Variants in DIP2A observed in about 807,000 individuals in gnomAD.
The protein encoded by DIP2A is DIP2 acetate--CoA ligase A.
Under a neutral mutation model 177.4 loss-of-function variants are expected in DIP2A, and 85 were observed. The observed-to-expected ratio is 0.48, with a 90% CI of 0.40 to 0.57. The LOEUF is 0.57. Among genes scored for constraint, DIP2A ranks in the 20% least tolerant of loss-of-function variants. DIP2A has a pLI of 0.00. For missense variants in DIP2A, 1,791 were observed against 2,100.2 expected (o/e 0.85, Z 2.88); for synonymous variants, 886 against 881.8 (o/e 1.00, Z -0.08).
chr21:46,477,570 T>TGTGTGTGTGTGTGTGTGTGTGTGTGTGTG (rs1180881454), intron 1 of DIP2A, among the ~76,000 whole-genome samples: 2 of 128,028 alleles, frequency 1.6e-5, no homozygotes, highest in South Asian at 2.5e-4. Context: ...TGTGTGTGTA[T>TGTGTGTGTGTGTGTGTGTGTGTGTGTGTG]TTCTTTTTTT....
intron 10 of DIP2A, 144 bp downstream of exon 10, chr21:46,532,381 A>T (rs553889581): frequency 1.5e-6 from 1 of 645,678 alleles, no homozygotes; most frequent in African/African-American, 1.8e-5. Context: ...CAGGCTGGCC[A>T]GGACTCAAGA....
intron 3 of DIP2A, among the ~76,000 whole-genome samples, chr21:46,496,164 G>A (rs944634922): frequency 2.6e-5 from 4 of 151,902 alleles, no homozygotes; most frequent in Non-Finnish European, 5.9e-5. Context: ...GCCTCCTAGA[G>A]CGCTGGGATT....
chr21:46,544,151 T>TAGGC (rs2059934839), intron 18 of DIP2A, among the ~76,000 whole-genome samples: 1 of 152,072 alleles, frequency 6.6e-6, no homozygotes. Flanking sequence ...AGCTGAGGAC[T>TAGGC]AGGCAGATGA....
chr21:46,566,235 A>T (rs532421038), intron 36 of DIP2A, among the ~76,000 whole-genome samples: 4 of 151,894 alleles, frequency 2.6e-5, no homozygotes, highest in South Asian at 4.2e-4. Flanking sequence ...TGTCCAGAGG[A>T]CTCTGTGCAG....
At chr21:46,532,061 T>C in intron 9 of DIP2A, 66 bp from the exon 10 acceptor site, 1 of 1,456,704 alleles carries the variant, frequency 6.9e-7, no homozygotes, top group Non-Finnish European at 9.3e-7. Flanking sequence ...TATAACTAGC[T>C]TTTAATTTAA....
At chr21:46,507,278 A>T in intron 6 of DIP2A, among the ~76,000 whole-genome samples, 1 of 152,152 alleles carries the variant, frequency 6.6e-6, no homozygotes, top group South Asian at 2.1e-4. Flanking sequence ...TATCTAAGAA[A>T]TTTTTGTCTA....
intron 35 of DIP2A, among the ~76,000 whole-genome samples, chr21:46,565,397 C>T (rs1270566503): frequency 1.3e-5 from 2 of 152,232 alleles, no homozygotes; most frequent in Admixed American, 1.3e-4. Flanking sequence ...GCTCCCGGCC[C>T]TCTCTTATTA....
intron 1 of DIP2A, among the ~76,000 whole-genome samples, chr21:46,477,029 T>G (rs2055906385): frequency 6.6e-6 from 1 of 152,152 alleles, no homozygotes; most frequent in Non-Finnish European, 1.5e-5. Context: ...GATCATTTAA[T>G]TTCTCTGTGC....
chr21:46,567,544 T>C lies in DIP2A; in HGVS notation c.4638T>C (p.Gly1546=). 1 of 1,613,550 alleles carries C rather than the reference T, an allele frequency of 6.2e-7. No individual in the cohort carries two copies. Residue 1546 remains glycine, a synonymous_variant, in exon 38 of 38, where the codon GGT becomes GGC. Transcript: ENST00000417564. ...GGGTGATCCCTATCAACTCTCGGGG[T>C]GAGAAGCAGCGCATGCACCTGCGGG... ...DPGVIPINSR[G]EKQRMHLRDG...
Position 46,551,756 on chromosome 21 carries a change from T to C in DIP2A, c.2949+13T>C, listed in dbSNP as rs1191045323. The stretch of plus-strand genomic sequence containing the variant: ...CCAGGCACGGAAGGTGACAGGCCAG[T>C]TCCGGGGACGGGTGGACGGGTGTCT... On this transcript the variant is annotated intron_variant, in intron 24 of 37. Transcript: ENST00000417564. 6.2e-7 allele frequency: 1 copy of C among 1,613,858 alleles called. No homozygotes were observed. The highest frequency in any genetic ancestry group is 2.2e-5 in the East Asian group (1 of 44,890).
the DIP2A span, among the ~76,000 whole-genome samples, chr21:46,579,125 C>T: frequency 2.6e-5 from 4 of 152,180 alleles, no homozygotes; most frequent in Non-Finnish European, 4.4e-5. Context: ...CTTACTGCCT[C>T]AATTTCAGGA....
chr21:46,573,645 C>CAAA (rs201994694), downstream of DIP2A, among the ~76,000 whole-genome samples: 9 of 52,976 alleles, frequency 1.7e-4, no homozygotes, highest in African/African-American at 4.4e-4. Flanking sequence ...CCCTCTCTCA[C>CAAA]AAAAAAAAAA....
At position 46,545,874 on chromosome 21, in the gene DIP2A, T is replaced by A; in HGVS notation, c.2314-7T>A. The A allele has an allele frequency of 6.2e-7, 1 of 1,613,332 alleles. No homozygotes were observed. The highest frequency in any genetic ancestry group is 8.5e-7 in the Non-Finnish European group (1 of 1,179,428). ...AGCCTGATCGTGCCCCTCTCCACTT[T>A]GTGCAGGCAGTTCCGGTCACCACAG... On this transcript the variant is annotated splice_region_variant and splice_polypyrimidine_tract_variant and intron_variant, in intron 19 of 37. Transcript: ENST00000417564.
In DIP2A at chr21:46,567,573, G is replaced by A; in HGVS notation, c.4667G>A (p.Gly1556Asp). ...AAGCAGCGCATGCACCTGCGGGACG[G>A]CTTCCTGGCTGACCAGCTGGACCCC... ...GEKQRMHLRD[G>D]FLADQLDPIY... The change falls in exon 38 of 38, where the codon GGC (glycine) becomes GAC (aspartate). Residue 1556 changes from glycine to aspartate, a missense_variant. Coordinates refer to ENST00000417564, the MANE Select transcript of DIP2A (RefSeq NM_015151.4). 6.2e-7 allele frequency: 1 copy of A among 1,612,060 alleles called. No individual in the cohort carries two copies. The highest frequency in any genetic ancestry group is 8.5e-7 in the Non-Finnish European group (1 of 1,178,714).
chr21:46,473,824 T>C (rs1343967090), intron 1 of DIP2A, among the ~76,000 whole-genome samples: 1 of 152,164 alleles, frequency 6.6e-6, no homozygotes, highest in Non-Finnish European at 1.5e-5. Flanking sequence ...CCAGGTGCTT[T>C]ACTTTAAACA....
At chr21:46,472,060 T>A (rs1299078564) in intron 1 of DIP2A, among the ~76,000 whole-genome samples, 2 of 152,186 alleles carry the variant, frequency 1.3e-5, no homozygotes, top group Non-Finnish European at 2.9e-5. Context: ...CCCAATGGAT[T>A]ATATTTGAAG....
chr21:46,472,435 G>A (rs1050898237), intron 1 of DIP2A, among the ~76,000 whole-genome samples: 5 of 152,202 alleles, frequency 3.3e-5, no homozygotes, highest in South Asian at 2.1e-4. Flanking sequence ...GTCTAGCAGG[G>A]GCTGAAAGAC....
intron 3 of DIP2A, 56 bp downstream of exon 3, chr21:46,490,775 C>G (rs1160994992): frequency 6.7e-7 from 1 of 1,488,642 alleles, no homozygotes; most frequent in African/African-American, 1.4e-5. Flanking sequence ...CCCTTGGACT[C>G]TTGCCATGAA....
intron 8 of DIP2A, among the ~76,000 whole-genome samples, chr21:46,522,814 G>A (rs767877650): frequency 3.9e-5 from 6 of 152,180 alleles, no homozygotes; most frequent in Non-Finnish European, 7.3e-5. Flanking sequence ...CCAAAATGGG[G>A]TCTGTGGCTC....
Sources: allele counts gnomAD v4.1 joint callset (sites outside exome capture counted in the v4.1 genomes callset), GRCh38; gene constraint gnomAD v4.1.1; transcripts MANE v1.5; gene names NCBI Gene and HGNC (gene_info 2026-07-23, HGNC 2026-07-21).